The following SULT4A1 variants were observed in gnomAD, a reference collection of about 807,000 sequenced individuals.
SULT4A1 encodes the protein sulfotransferase 4A1.
Under a neutral mutation model 35.2 loss-of-function variants are expected in SULT4A1, and 11 were observed. The observed-to-expected ratio is 0.31, with a 90% CI of 0.20 to 0.52. The LOEUF (loss-of-function observed/expected upper bound fraction) is 0.52. Ranked by LOEUF, SULT4A1 falls within the 20% of genes least tolerant of loss-of-function variation. SULT4A1 has a pLI of 0.97. For synonymous variants in SULT4A1, 152 were observed against 151.8 expected, an observed-to-expected ratio of 1.00 and a Z score of -0.01; for missense variants, 271 against 383.7, an observed-to-expected ratio of 0.71 and a Z score of 2.45.
At chr22:43,835,381 G>A (rs2063362497) in intron 4 of SULT4A1, among the ~76,000 whole-genome samples, 2 of 152,256 alleles carry the variant, frequency 1.3e-5, no homozygotes, top group African/African-American at 4.8e-5. Flanking sequence ...TCACTGGGCA[G>A]TCGGGGGCTG....
At chr22:43,828,122 C>T (rs994979423) in intron 6 of SULT4A1, among the ~76,000 whole-genome samples, 2 of 152,256 alleles carry the variant, frequency 1.3e-5, no homozygotes, top group African/African-American at 4.8e-5. Context: ...GCGCGTCTCT[C>T]ATCCGCCCCA....
At chr22:43,860,259 AC>A (rs1327212039) in intron 1 of SULT4A1, among the ~76,000 whole-genome samples, 4 of 152,126 alleles carry the variant, frequency 2.6e-5, no homozygotes, top group Non-Finnish European at 5.9e-5. Context: ...ACTTGCCCCA[AC>A]CCCAGCACCA....
intron 2 of SULT4A1, among the ~76,000 whole-genome samples, chr22:43,840,403 C>G (rs762161203): frequency 6.6e-6 from 1 of 152,114 alleles, no homozygotes; most frequent in Non-Finnish European, 1.5e-5. Flanking sequence ...CCAGCCAGGA[C>G]AGCCTCCCTT....
chr22:43,838,748 G>A (rs988206208), intron 4 of SULT4A1, 119 bp downstream of exon 4: 36 of 1,402,888 alleles, frequency 2.6e-5, no homozygotes, highest in Middle Eastern at 2.5e-4. Flanking sequence ...CCGCGGGCCT[G>A]ACCTACATGG....
intron 2 of SULT4A1, among the ~76,000 whole-genome samples, chr22:43,840,724 C>T (rs1292800224): frequency 6.6e-6 from 1 of 152,210 alleles, no homozygotes; most frequent in African/African-American, 2.4e-5. Flanking sequence ...TCCTGTAAAG[C>T]AGCCAGCACC....
At chr22:43,827,045 TG>T in intron 6 of SULT4A1, 1 of 985,474 alleles carries the variant, frequency 1.0e-6, no homozygotes, top group South Asian at 4.7e-5. Flanking sequence ...AATCTTAGGT[TG>T]GTCTAGTCCA....
At chr22:43,827,718 G>A (rs2063297697) in intron 6 of SULT4A1, 1 of 1,046,930 alleles carries the variant, frequency 9.6e-7, no homozygotes. Context: ...AAGGGAAGGA[G>A]CATATGGGCA....
intron 1 of SULT4A1, among the ~76,000 whole-genome samples, chr22:43,855,048 G>A (rs758886294): frequency 6.6e-6 from 1 of 152,218 alleles, no homozygotes; most frequent in Non-Finnish European, 1.5e-5. Context: ...TGAGGACAGT[G>A]ATGAACTCAA....
At chr22:43,847,001 A>C (rs1265347289) in intron 1 of SULT4A1, among the ~76,000 whole-genome samples, 5 of 151,828 alleles carry the variant, frequency 3.3e-5, no homozygotes, top group African/African-American at 1.2e-4. Context: ...TCCCGTCCTC[A>C]CCCCCATTAA....
At chr22:43,829,286 C>A in intron 5 of SULT4A1, 88 bp from the exon 6 acceptor site, 3 of 1,375,584 alleles carry the variant, frequency 2.2e-6, no homozygotes, top group Non-Finnish European at 2.9e-6. Context: ...ACGCTGAGGA[C>A]TTTTTACACA....
Position 43,860,607 on chromosome 22 carries a change from G to A in SULT4A1, c.169+1607C>T, listed in dbSNP as rs188521598. Among the ~76,000 whole-genome samples, 24 of 152,262 alleles carry A rather than the reference G, an allele frequency of 1.6e-4. No homozygotes were observed. In the East Asian group the frequency reaches 3.1e-3, roughly 20 times the overall value. On this transcript the variant is annotated intron_variant, in intron 1 of 6. Transcript: ENST00000330884. ...CAAACCCAGGACTTCCAACTCCGAA[G>A]CCAGGTTCTTAATGTGTAAGCACTG...
chr22:43,856,832 A>G (rs912837171), intron 1 of SULT4A1, among the ~76,000 whole-genome samples: 5 of 152,210 alleles, frequency 3.3e-5, no homozygotes, highest in African/African-American at 1.2e-4. Context: ...ATGGCCTAGC[A>G]GTTGAAAAGC....
At chr22:43,826,861 T>C (rs1183482586) in intron 6 of SULT4A1, 2 of 985,338 alleles carry the variant, frequency 2.0e-6, no homozygotes, top group Non-Finnish European at 2.4e-6. Context: ...CCAGCTGCTC[T>C]AGCCCAGGCT....
Position 43,826,017 on chromosome 22 carries a change from A to G in SULT4A1, c.839T>C (p.Phe280Ser), listed in dbSNP as rs1473870748. The G allele has an allele frequency of 1.9e-6, 3 of 1,613,996 alleles. No homozygotes were observed. Among genetic ancestry groups the G allele is most frequent in the Non-Finnish European group, 2.5e-6 (3 of 1,180,016 alleles). Residue 280 changes from phenylalanine to serine, a missense_variant, in exon 7 of 7, where the codon TTT becomes TCT. This residue lies in a region of SULT4A1 where 32 missense variants were observed against 61.9 expected (regional missense o/e 0.52). Coordinates refer to ENST00000330884, the MANE Select transcript of SULT4A1 (RefSeq NM_014351.4). ...KQKMGKCDLTFDFYL is the reference protein window; with the variant it reads ...KQKMGKCDLTSDFYL The stretch of plus-strand genomic sequence containing the variant: ...TTTCTGTTATTATAAATAAAAGTCA[A>G]ACGTGAGGTCACACTTTCCCATCTT...
At chr22:43,848,749 C>T (rs551068636) in intron 1 of SULT4A1, among the ~76,000 whole-genome samples, 6 of 152,284 alleles carry the variant, frequency 3.9e-5, no homozygotes, top group South Asian at 4.1e-4. Flanking sequence ...ACACCGCTGC[C>T]GAGGTGGGGG....
At chr22:43,831,723 A>G (rs1346343299) in intron 5 of SULT4A1, among the ~76,000 whole-genome samples, 1 of 152,230 alleles carries the variant, frequency 6.6e-6, no homozygotes, top group Non-Finnish European at 1.5e-5. Context: ...TCCACACCTG[A>G]CAGGTTCCAA....
At chr22:43,856,681 A>G (rs1452081875) in intron 1 of SULT4A1, among the ~76,000 whole-genome samples, 2 of 152,168 alleles carry the variant, frequency 1.3e-5, no homozygotes, top group East Asian at 3.9e-4. Context: ...ACTGAGAAAA[A>G]ACCTCTGGAA....
intron 1 of SULT4A1, among the ~76,000 whole-genome samples, chr22:43,848,555 A>C (rs950659944): frequency 1.3e-5 from 2 of 152,224 alleles, no homozygotes; most frequent in Non-Finnish European, 2.9e-5. Context: ...TGACAGGGAA[A>C]CAAGGCACTG....
intron 1 of SULT4A1, among the ~76,000 whole-genome samples, chr22:43,855,026 T>C (rs2148305669): frequency 6.6e-6 from 1 of 152,304 alleles, no homozygotes; most frequent in Admixed American, 6.5e-5. Context: ...TGTGGGTTCC[T>C]CATCTGGAAG....
Sources: gnomAD v4.1 joint callset for allele counts (sites outside exome capture counted in the v4.1 genomes callset) on GRCh38, gnomAD v4.1.1 for gene constraint, gnomAD v4.1.1 regional missense constraint, MANE v1.5 for transcripts, NCBI Gene and HGNC (gene_info 2026-07-23, HGNC 2026-07-21) for gene names.